The following KCNC1 variants were observed in gnomAD, a reference collection of about 807,000 sequenced individuals.
The protein encoded by KCNC1 is voltage-gated potassium channel KCNC1.
In KCNC1, 8 loss-of-function variants were observed where a neutral mutation model predicts 43.4. The observed-to-expected ratio is 0.18, with a 90% CI of 0.11 to 0.33. The LOEUF is 0.33. Ranked by LOEUF, KCNC1 falls within the 10% of genes least tolerant of loss-of-function variation. The pLI is 1.00. For missense variants in KCNC1, 420 were observed against 836.0 expected, an observed-to-expected ratio of 0.50 and a Z score of 6.14; for synonymous variants, 361 against 360.5, an observed-to-expected ratio of 1.00 and a Z score of -0.01.
intron 1 of KCNC1, among the ~76,000 whole-genome samples, chr11:17,754,527 G>A (rs1435888471): frequency 6.6e-6 from 1 of 152,222 alleles, no homozygotes; most frequent in East Asian, 1.9e-4. Context: ...GCTGCAGGGA[G>A]TAAACCATTG....
chr11:17,768,709 T>C (rs912587173), intron 1 of KCNC1, among the ~76,000 whole-genome samples: 3 of 151,116 alleles, frequency 2.0e-5, no homozygotes, highest in African/African-American at 7.3e-5. Context: ...GAGCCAAGTG[T>C]GCAGTGGGCC....
In KCNC1 at chr11:17,773,994, G is replaced by T. The variant is rs191475125; in HGVS notation, c.1504+1396G>T. On this transcript the variant is annotated intron_variant, in intron 2 of 3. Coordinates refer to ENST00000265969, the MANE Select transcript of KCNC1 (RefSeq NM_001112741.2). This position sits in a 1 kb window ranked among gnomAD's most constrained non-coding sequence, Gnocchi z 4.1. ...ATGATTGATTTTCTTCCCTGCTATC[G>T]CGCTCTCTGACCCACCACCCCATCC... 2.0e-6 allele frequency: 2 copies of T among 985,456 alleles called. No homozygotes were observed. Among genetic ancestry groups the T allele is most frequent in the Admixed American group, 6.1e-5 (1 of 16,280 alleles). 61.0% of individuals were successfully genotyped at this position (985,456 alleles called of 1,614,324 possible). A position where few individuals can be genotyped will look rare whatever the true frequency, so the allele number is the denominator to read the frequency against.
At position 17,736,446 on chromosome 11, in the gene KCNC1, G is replaced by C; in HGVS notation, c.444G>C (p.Glu148Asp). Residue 148 changes from glutamate (E) to aspartate (D), a missense_variant, in exon 1 of 4, where the codon GAG becomes GAC. Physicochemically the swap from Glu to Asp is conservative, Grantham distance 45. Coordinates refer to ENST00000265969, the MANE Select transcript of KCNC1 (RefSeq NM_001112741.2). This position sits in a 1 kb window ranked among gnomAD's most constrained non-coding sequence, Gnocchi z 9.3. ...GPGDSGDGED[E>D]LEMTKRLALS... ...GCGACTCGGGCGACGGCGAGGACGA[G>C]CTGGAGATGACCAAGCGCCTGGCGC... 1.2e-6 allele frequency: 2 copies of C among 1,605,098 alleles called. No individual in the cohort carries two copies. Among genetic ancestry groups the C allele is most frequent in the Non-Finnish European group, 1.7e-6 (2 of 1,178,194 alleles).
At chr11:17,744,346 C>G (rs1848875007) in intron 1 of KCNC1, among the ~76,000 whole-genome samples, 1 of 152,168 alleles carries the variant, frequency 6.6e-6, no homozygotes, top group Non-Finnish European at 1.5e-5. Flanking sequence ...GTGAGCAATC[C>G]TGGCAAAGGT....
At chr11:17,767,399 A>G (rs1213276964) in intron 1 of KCNC1, among the ~76,000 whole-genome samples, 1 of 152,114 alleles carries the variant, frequency 6.6e-6, no homozygotes, top group Non-Finnish European at 1.5e-5. Context: ...ACCTTTCTGT[A>G]CCTGCATTTC....
rs112585459 is a variant in KCNC1 at position 17,745,855 on chromosome 11, C to T, written c.570+9283C>T. Among the ~76,000 whole-genome samples, 820 of 152,292 alleles carry T rather than the reference C, an allele frequency of 5.4e-3. 8 individuals are homozygous for T. The highest frequency in any genetic ancestry group is 0.019 in the African/African-American group (784 of 41,558). ...CACTTCTCCGGCCCCTTCCCCACTT[C>T]GTGCTTTGCTCTTTTCTCCTTGGCA... On this transcript the variant is annotated intron_variant, in intron 1 of 3. Transcript: ENST00000265969.
chr11:17,737,920 A>C (rs1277780153), intron 1 of KCNC1, among the ~76,000 whole-genome samples: 1 of 146,984 alleles, frequency 6.8e-6, no homozygotes. Context: ...GGGGACCTCA[A>C]GTGCCCATGG....
At chr11:17,768,738 C>T (rs1020905407) in intron 1 of KCNC1, among the ~76,000 whole-genome samples, 6 of 151,924 alleles carry the variant, frequency 3.9e-5, no homozygotes, top group South Asian at 2.1e-4. Flanking sequence ...TGGCACCGTT[C>T]GGTCATCCAC....
Position 17,779,623 on chromosome 11 carries a change from C to T in KCNC1, c.1672C>T (p.Pro558Ser), listed in dbSNP as rs1194425071. The change falls in exon 3 of 4, where the codon CCT becomes TCT. Residue 558 changes from proline to serine, a missense_variant. Physicochemically the swap from Pro to Ser is moderately conservative, Grantham distance 74. Around this residue, in one of 5 missense-constraint regions of KCNC1, gnomAD observed 147 missense variants for 176.1 expected, o/e 0.83. Transcript: ENST00000265969. This position sits in a 1 kb window ranked among gnomAD's most constrained non-coding sequence, Gnocchi z 7.2. ...ATCAACCGGGGAGTACGCGTGCCCA[C>T]CTGGTGGAGGAATGAGAAAGGGTAT... Reference protein sequence around the residue: ...LLSTGEYACPPGGGMRKDLCK... With the variant: ...LLSTGEYACPSGGGMRKDLCK... The T allele has an allele frequency of 6.5e-7, 1 of 1,548,262 alleles. No individual in the cohort carries two copies. The highest frequency in any genetic ancestry group is 8.7e-7 in the Non-Finnish European group (1 of 1,145,768).
intron 2 of KCNC1, chr11:17,772,900 CA>C (rs948395576): frequency 4.8e-6 from 6 of 1,243,370 alleles, no homozygotes; most frequent in Non-Finnish European, 6.0e-6. Context: ...TAGCAGGAGC[CA>C]GGGGGGCTCT....
Position 17,781,810 on chromosome 11 carries a change from A to C in KCNC1, c.*76A>C. Reference sequence around the variant, plus strand: ...CTGCAGCCCCTCCTCACCCTCGGACAGAGTAAATTCACGCCATGCAGGTTT... The same window carrying C: ...CTGCAGCCCCTCCTCACCCTCGGACCGAGTAAATTCACGCCATGCAGGTTT... On this transcript the variant is annotated 3_prime_UTR_variant, in exon 4 of 4. Transcript: ENST00000265969. This position sits in a 1 kb window ranked among gnomAD's most constrained non-coding sequence, Gnocchi z 5.1. The C allele has an allele frequency of 9.7e-7, 1 of 1,033,374 alleles. No homozygotes were observed. 64.0% of individuals were successfully genotyped at this position (1,033,374 alleles called of 1,614,324 possible). A position where few individuals can be genotyped will look rare whatever the true frequency, so the allele number is the denominator to read the frequency against.
chr11:17,764,951 G>A (rs576223567), intron 1 of KCNC1, among the ~76,000 whole-genome samples: 3 of 152,290 alleles, frequency 2.0e-5, no homozygotes, highest in Admixed American at 1.3e-4. Context: ...TTAACTCAAA[G>A]GCTGCACACC....
intron 1 of KCNC1, among the ~76,000 whole-genome samples, chr11:17,740,212 T>C (rs1210660632): frequency 6.6e-6 from 1 of 152,160 alleles, no homozygotes; most frequent in Non-Finnish European, 1.5e-5. Flanking sequence ...CCCCCTTTCC[T>C]GTGCTCTGGG....
Position 17,772,440 on chromosome 11 carries a change from A to G in KCNC1, c.1346A>G (p.Lys449Arg). 2 of 1,614,226 alleles carry G rather than the reference A, an allele frequency of 1.2e-6. No individual in the cohort carries two copies. The highest frequency in any genetic ancestry group is 1.7e-6 in the Non-Finnish European group (2 of 1,180,042). The change falls in exon 2 of 4, where the codon AAG becomes AGG. Residue 449 changes from lysine (K) to arginine (R), a missense_variant. This residue lies in a region of KCNC1 where 58 missense variants were observed against 256.9 expected (regional missense o/e 0.23). Transcript: ENST00000265969. ...ATGTATTACTCCTTAGCCATGGCTA[A>G]GCAGAAACTACCAAAGAAAAAAAAG... ...FGMYYSLAMAKQKLPKKKKKH... is the reference protein window; with the variant it reads ...FGMYYSLAMARQKLPKKKKKH...
In KCNC1 at chr11:17,772,064, C is replaced by T; in HGVS notation, c.970C>T (p.Leu324=). The change falls in exon 2 of 4, where the codon CTG becomes TTG. Residue 324 remains leucine, a synonymous_variant. Transcript: ENST00000265969. ...CGTGCGCATCTTGCGCATCTTTAAGCTGACCCGCCACTTTGTGGGCCTGCG... is the reference window on the plus strand; with the variant it reads ...CGTGCGCATCTTGCGCATCTTTAAGTTGACCCGCCACTTTGTGGGCCTGCG... ...RFVRILRIFK[L]TRHFVGLRVL... is the part of the protein sequence containing the mutation. 1 of 1,609,480 alleles carries T rather than the reference C, an allele frequency of 6.2e-7. No homozygotes were observed. Among genetic ancestry groups the T allele is most frequent in the Middle Eastern group, 1.7e-4 (1 of 6,060 alleles).
chr11:17,736,404 G>T lies in KCNC1; in HGVS notation c.402G>T (p.Ala134=). The T allele has an allele frequency of 6.2e-7, 1 of 1,609,038 alleles. No individual in the cohort carries two copies. Among genetic ancestry groups the T allele is most frequent in the Admixed American group, 1.7e-5 (1 of 59,566 alleles). The part of the protein sequence containing the change: ...GAPLDNSADD[A]DADGPGDSGD... Reference sequence around the variant, plus strand: ...CTCTGGACAACAGCGCCGACGACGCGGACGCCGACGGCCCTGGCGACTCGG... The same window carrying T: ...CTCTGGACAACAGCGCCGACGACGCTGACGCCGACGGCCCTGGCGACTCGG... The change falls in exon 1 of 4, where the codon GCG becomes GCT. Residue 134 remains alanine, a synonymous_variant. Coordinates refer to ENST00000265969, the MANE Select transcript of KCNC1 (RefSeq NM_001112741.2). The surrounding 1 kb of genome is among the most constrained non-coding windows in gnomAD (Gnocchi z 9.3).
At chr11:17,763,706 A>C (rs1179406884) in intron 1 of KCNC1, among the ~76,000 whole-genome samples, 1 of 109,238 alleles carries the variant, frequency 9.2e-6, no homozygotes, top group Non-Finnish European at 1.8e-5. Flanking sequence ...ACCCTCACCC[A>C]CACACACCCC....
chr11:17,762,667 G>A (rs1849091880), intron 1 of KCNC1, among the ~76,000 whole-genome samples: 1 of 152,188 alleles, frequency 6.6e-6, no homozygotes, highest in Admixed American at 6.5e-5. Context: ...GGCCTGGAGG[G>A]CTGGAGGGAT....
Position 17,781,919 on chromosome 11 carries a change from A to T in KCNC1, c.*185A>T. On this transcript the variant is annotated 3_prime_UTR_variant, in exon 4 of 4. Coordinates refer to ENST00000265969, the MANE Select transcript of KCNC1 (RefSeq NM_001112741.2). This position sits in a 1 kb window ranked among gnomAD's most constrained non-coding sequence, Gnocchi z 5.1. ...GCCAAATGGTAACTGACCGTAGAGG[A>T]TTTCTTTTCCTTCTTTTCATTTTTT... 2 of 443,668 alleles carry T rather than the reference A, an allele frequency of 4.5e-6. No homozygotes were observed. The highest frequency in any genetic ancestry group is 4.0e-6 in the Non-Finnish European group (1 of 250,788). 27.5% of individuals were successfully genotyped at this position (443,668 alleles called of 1,614,324 possible). A position where few individuals can be genotyped will look rare whatever the true frequency, so the allele number is the denominator to read the frequency against.
Sources: allele counts gnomAD v4.1 joint callset (sites outside exome capture counted in the v4.1 genomes callset), GRCh38; gene constraint gnomAD v4.1.1; regional missense constraint gnomAD v4.1.1; non-coding constraint Gnocchi (gnomAD v3.1); transcripts MANE v1.5; gene names NCBI Gene and HGNC (gene_info 2026-07-23, HGNC 2026-07-21).